QKI: variants seen among roughly 807,000 people sequenced by gnomAD.
The protein encoded by QKI is KH domain-containing RNA-binding protein QKI.
Under a neutral mutation model 39.0 loss-of-function variants are expected in QKI, and 10 were observed. That is an observed-to-expected ratio of 0.26 (90% CI 0.16 to 0.43). The LOEUF is 0.43. Among genes scored for constraint, QKI ranks in the 20% least tolerant of loss-of-function variants. QKI has a pLI of 1.00. For missense variants in QKI, 218 were observed against 428.0 expected (o/e 0.51, Z 4.33); for synonymous variants, 204 against 155.4 (o/e 1.31, Z -2.33).
At chr6:163,445,867 G>A (rs1410445230) in intron 1 of QKI, among the ~76,000 whole-genome samples, 1 of 152,178 alleles carries the variant, frequency 6.6e-6, no homozygotes, top group Non-Finnish European at 1.5e-5. Context: ...GTCCACCTCG[G>A]CCTCCCAAAG....
intron 1 of QKI, among the ~76,000 whole-genome samples, chr6:163,450,860 C>G (rs1382139749): frequency 6.6e-6 from 1 of 152,074 alleles, no homozygotes; most frequent in Admixed American, 6.6e-5. Flanking sequence ...CCTGTAGATT[C>G]CTAAGCAGAT....
At chr6:163,495,875 T>C (rs913329385) in intron 3 of QKI, among the ~76,000 whole-genome samples, 1 of 152,218 alleles carries the variant, frequency 6.6e-6, no homozygotes, top group African/African-American at 2.4e-5. Flanking sequence ...TCATTTTTGA[T>C]GTTGATAACT....
rs1361389203 is a variant in QKI, at chr6:163,562,065, A to G, written c.630A>G (p.Lys210=). Residue 210 remains lysine, a synonymous_variant, in exon 5 of 8, where the codon AAA becomes AAG. Coordinates refer to ENST00000361752, the MANE Select transcript of QKI (RefSeq NM_006775.3). ...GCACCTACAGAGATGCCAACATTAA[A>G]TCACGTAAGAATGAGCTCTGAGGCC... The part of the protein sequence containing the change: ...LNGTYRDANI[K]SPALAFSLAA... 3 of 1,611,834 alleles carry G rather than the reference A, an allele frequency of 1.9e-6. No individual in the cohort carries two copies. Among genetic ancestry groups the G allele is most frequent in the South Asian group, 1.1e-5 (1 of 90,792 alleles).
intron 1 of QKI, among the ~76,000 whole-genome samples, chr6:163,420,714 G>A (rs1787929719): frequency 6.6e-6 from 1 of 151,970 alleles, no homozygotes; most frequent in African/African-American, 2.4e-5. Context: ...CTTTAAAAAA[G>A]TTTTGGGCCC....
chr6:163,544,442 CCT>C (rs1436425802), intron 4 of QKI, among the ~76,000 whole-genome samples: 1 of 151,882 alleles, frequency 6.6e-6, no homozygotes, highest in South Asian at 2.1e-4. Flanking sequence ...TCAGCTCTCC[CCT>C]GTCTCTCAAA....
intron 3 of QKI, among the ~76,000 whole-genome samples, chr6:163,488,494 A>G (rs1777827076): frequency 1.3e-5 from 2 of 152,162 alleles, no homozygotes; most frequent in South Asian, 4.1e-4. Flanking sequence ...TTAATCTTCT[A>G]TCTGTATCTT....
chr6:163,552,844 A>G (rs1782330977), intron 4 of QKI, among the ~76,000 whole-genome samples: 1 of 152,064 alleles, frequency 6.6e-6, no homozygotes, highest in Admixed American at 6.5e-5. Flanking sequence ...CTCAGTGCTC[A>G]TTCTGAATAT....
intron 2 of QKI, among the ~76,000 whole-genome samples, chr6:163,467,369 GT>G (rs1195395106): frequency 3.3e-5 from 5 of 152,330 alleles, no homozygotes; most frequent in African/African-American, 1.2e-4. Flanking sequence ...GAACTCATAT[GT>G]TTAGAACTTT....
chr6:163,568,760 A>G (rs781416903), intron 7 of QKI: 29 of 985,032 alleles, frequency 2.9e-5, no homozygotes, highest in South Asian at 4.7e-5. Flanking sequence ...ATGGTTGACC[A>G]ATATCTAGTT....
chr6:163,435,256 G>T (rs981954454), intron 1 of QKI, among the ~76,000 whole-genome samples: 7 of 152,332 alleles, frequency 4.6e-5, no homozygotes, highest in Non-Finnish European at 8.8e-5. Flanking sequence ...GCTAATGTTG[G>T]AGTGAATGTG....
chr6:163,509,103 A>G (rs1779278752), intron 3 of QKI, among the ~76,000 whole-genome samples: 1 of 152,092 alleles, frequency 6.6e-6, no homozygotes, highest in Non-Finnish European at 1.5e-5. Flanking sequence ...GTGCCACTGC[A>G]CTCCAGCCTG....
intron 4 of QKI, among the ~76,000 whole-genome samples, chr6:163,544,525 C>T (rs1302606955): frequency 6.6e-6 from 1 of 152,022 alleles, no homozygotes; most frequent in African/African-American, 2.4e-5. Context: ...TGATGAACAT[C>T]ACTTACACTT....
At chr6:163,504,829 TTTTC>T (rs1418085303) in intron 3 of QKI, among the ~76,000 whole-genome samples, 17 of 152,162 alleles carry the variant, frequency 1.1e-4, no homozygotes, top group Admixed American at 5.9e-4. Flanking sequence ...TTTGGATGCT[TTTTC>T]TTTCTTTCTT....
At chr6:163,425,034 G>A (rs1788305930) in intron 1 of QKI, among the ~76,000 whole-genome samples, 1 of 152,186 alleles carries the variant, frequency 6.6e-6, no homozygotes, top group Admixed American at 6.5e-5. Context: ...AAAGAAAGAT[G>A]ATGTATCCAT....
intron 3 of QKI, among the ~76,000 whole-genome samples, chr6:163,494,215 T>C (rs540435351): frequency 1.1e-3 from 162 of 152,322 alleles, no homozygotes; most frequent in Non-Finnish European, 9.7e-4. Flanking sequence ...TTACGTAGTC[T>C]TTGCGTTGTA....
intron 3 of QKI, among the ~76,000 whole-genome samples, chr6:163,490,240 T>G (rs888978962): frequency 6.6e-6 from 1 of 152,222 alleles, no homozygotes; most frequent in Non-Finnish European, 1.5e-5. Context: ...GATATTTCAG[T>G]AAGTAGTACT....
rs760600525 is a variant in QKI, at chr6:163,563,628, T to G, written c.843T>G (p.Ala281=). The G allele has an allele frequency of 6.2e-7, 1 of 1,614,174 alleles. No individual in the cohort carries two copies. Among genetic ancestry groups the G allele is most frequent in the South Asian group, 1.1e-5 (1 of 91,078 alleles). The change falls in exon 6 of 8, where the codon GCT becomes GCG. Residue 281 remains alanine (A), a synonymous_variant. Coordinates refer to ENST00000361752, the MANE Select transcript of QKI (RefSeq NM_006775.3). ...TAAIVPPGPE[A]GLIYTPYEYP... is the part of the protein sequence containing the mutation. ...CAATAGTTCCTCCAGGGCCCGAAGC[T>G]GGTTTAATCTATACACCCTATGAGT...
At chr6:163,444,999 C>A (rs537300463) in intron 1 of QKI, among the ~76,000 whole-genome samples, 3 of 152,238 alleles carry the variant, frequency 2.0e-5, no homozygotes, top group Non-Finnish European at 4.4e-5. Context: ...GCCTCTACTT[C>A]CTGGGCTCAA....
intron 2 of QKI, among the ~76,000 whole-genome samples, chr6:163,471,829 C>T (rs963614792): frequency 3.4e-5 from 4 of 118,784 alleles, no homozygotes; most frequent in African/African-American, 1.1e-4. Flanking sequence ...AATGAAGAAA[C>T]AACTCATTTA....
Sources: allele counts gnomAD v4.1 joint callset (sites outside exome capture counted in the v4.1 genomes callset), GRCh38; gene constraint gnomAD v4.1.1; transcripts MANE v1.5; gene names NCBI Gene and HGNC (gene_info 2026-07-23, HGNC 2026-07-21).